ZNF385B: variants seen among roughly 807,000 people sequenced by gnomAD.
ZNF385B encodes the protein zinc finger protein 533.
ZNF385B carries 23 observed loss-of-function variants against 39.2 expected under a neutral mutation model. The observed-to-expected ratio is 0.59, with a 90% CI of 0.42 to 0.83. The LOEUF (loss-of-function observed/expected upper bound fraction) is 0.83, where lower values mean the gene tolerates loss of function less well. Ranked by LOEUF, ZNF385B falls within the 40% of genes least tolerant of loss-of-function variation. The pLI, the probability that ZNF385B is intolerant of heterozygous loss-of-function variation, is 0.00. For missense variants in ZNF385B, 552 were observed against 598.9 expected (o/e 0.92, Z 0.82); for synonymous variants, 205 against 222.6 (o/e 0.92, Z 0.70).
chr2:179,683,125 C>T (rs1241958609), intron 3 of ZNF385B, among the ~76,000 whole-genome samples: 1 of 152,158 alleles, frequency 6.6e-6, no homozygotes, highest in African/African-American at 2.4e-5. Context: ...CGGTGGCTCA[C>T]ACCTGTTATC....
At chr2:179,482,867 C>T (rs1270007273) in intron 6 of ZNF385B, among the ~76,000 whole-genome samples, 1 of 151,920 alleles carries the variant, frequency 6.6e-6, no homozygotes, top group Non-Finnish European at 1.5e-5. Context: ...TATTAGTAAA[C>T]AAGTTTAAGG....
At chr2:179,818,536 C>G (rs1707208265) in intron 1 of ZNF385B, among the ~76,000 whole-genome samples, 1 of 152,112 alleles carries the variant, frequency 6.6e-6, no homozygotes, top group Non-Finnish European at 1.5e-5. Flanking sequence ...AATTTCTGAA[C>G]AATCATGATT....
intron 1 of ZNF385B, among the ~76,000 whole-genome samples, chr2:179,790,819 C>T (rs950371388): frequency 1.2e-4 from 19 of 152,218 alleles, no homozygotes; most frequent in Non-Finnish European, 1.5e-5. Flanking sequence ...AACCAGATGA[C>T]CTCTAAAATT....
At chr2:179,796,652 T>C (rs932827090) in intron 1 of ZNF385B, among the ~76,000 whole-genome samples, 1 of 151,922 alleles carries the variant, frequency 6.6e-6, no homozygotes, top group Admixed American at 6.6e-5. Context: ...AGTTTTGGAG[T>C]CTCTTATTTA....
chr2:179,516,859 T>A (rs2058124897), intron 5 of ZNF385B, among the ~76,000 whole-genome samples: 1 of 149,930 alleles, frequency 6.7e-6, no homozygotes, highest in Admixed American at 6.6e-5. Context: ...CATCTAGAAG[T>A]TTAATAGTTT....
chr2:179,518,736 C>CCAGTTTCACAGTCTTGATTATTGTAGA, intron 4 of ZNF385B, 98 bp from the exon 5 acceptor site: 1 of 636,664 alleles, frequency 1.6e-6, no homozygotes. Flanking sequence ...AAAGTTTAAA[C>CCAGTTTCACAGTCTTGATTATTGTAGA]TTTTAGTTCC....
At chr2:179,789,512 G>T (rs1705200082) in intron 1 of ZNF385B, among the ~76,000 whole-genome samples, 1 of 152,176 alleles carries the variant, frequency 6.6e-6, no homozygotes. Flanking sequence ...CTATAGAGAA[G>T]ATGACAGGCA....
rs188452839 is a variant in ZNF385B, at chr2:179,718,132, T to A, written c.298+51371A>T. ...AGACTTCATTATTCTACCAATATTT[T>A]AAATAGAATATGATATGAAGCATCA... On this transcript the variant is annotated intron_variant, in intron 3 of 9. Transcript: ENST00000410066. Among the ~76,000 whole-genome samples, 1,019 of 152,120 alleles carry A rather than the reference T, an allele frequency of 6.7e-3. 13 individuals carry two copies. The highest frequency in any genetic ancestry group is 0.023 in the African/African-American group (976 of 41,548).
intron 1 of ZNF385B, among the ~76,000 whole-genome samples, chr2:179,787,195 G>A (rs539754987): frequency 5.3e-5 from 8 of 151,650 alleles, no homozygotes; most frequent in South Asian, 2.1e-4. Context: ...AATTTTGTTC[G>A]TAATGATTTT....
chr2:179,677,603 T>C (rs2106318492), intron 3 of ZNF385B, among the ~76,000 whole-genome samples: 1 of 152,344 alleles, frequency 6.6e-6, no homozygotes, highest in Non-Finnish European at 1.5e-5. Flanking sequence ...AATAAACATT[T>C]TTTATTTGAA....
At chr2:179,828,414 T>A (rs1005299498) in intron 1 of ZNF385B, among the ~76,000 whole-genome samples, 6 of 152,172 alleles carry the variant, frequency 3.9e-5, no homozygotes, top group Admixed American at 6.5e-5. Flanking sequence ...ACACACAACA[T>A]TTAGCAATAA....
chr2:179,852,111 G>A (rs887421240), intron 1 of ZNF385B, among the ~76,000 whole-genome samples: 4 of 152,182 alleles, frequency 2.6e-5, no homozygotes, highest in South Asian at 2.1e-4. Flanking sequence ...ACAGCAGTTC[G>A]AATGTGCACC....
chr2:179,854,267 C>T (rs1346932478), intron 1 of ZNF385B, among the ~76,000 whole-genome samples: 3 of 152,148 alleles, frequency 2.0e-5, no homozygotes, highest in Non-Finnish European at 2.9e-5. Flanking sequence ...AAGTTTTCTA[C>T]TCTTACTTGT....
Position 179,769,745 on chromosome 2 carries a change from G to T in ZNF385B, c.56C>A (p.Ala19Glu). The change falls in exon 3 of 10, where the codon GCA becomes GAA. Residue 19 changes from alanine to glutamate, a missense_variant. Transcript: ENST00000410066. ...NHLEDGIMNM[A>E]NFLRGFEEKG... ...TTCTTCAAAGCCCCGTAGAAAATTT[G>T]CCATATTCATGATTCCATCTTCAAG... is the stretch of plus-strand genomic sequence containing the variant. 1 of 1,614,024 alleles carries T rather than the reference G, an allele frequency of 6.2e-7. No individual in the cohort carries two copies. The highest frequency in any genetic ancestry group is 8.5e-7 in the Non-Finnish European group (1 of 1,179,978).
chr2:179,647,335 C>CATATAACAAAATCA, intron 3 of ZNF385B, among the ~76,000 whole-genome samples: 1 of 151,910 alleles, frequency 6.6e-6, no homozygotes, highest in South Asian at 2.1e-4. Context: ...TTGTTACATG[C>CATATAACAAAATCA]ATATAACAAA....
chr2:179,445,826 C>G, intron 7 of ZNF385B, 98 bp from the exon 8 acceptor site: 1 of 1,176,386 alleles, frequency 8.5e-7, no homozygotes, highest in Non-Finnish European at 1.2e-6. Flanking sequence ...GGCTAAAATT[C>G]CCAATGCTTT....
At chr2:179,782,990 T>C (rs1441702940) in intron 1 of ZNF385B, among the ~76,000 whole-genome samples, 1 of 152,084 alleles carries the variant, frequency 6.6e-6, no homozygotes, top group African/African-American at 2.4e-5. Flanking sequence ...TCTTTTAAAA[T>C]TCATATGGAA....
intron 3 of ZNF385B, among the ~76,000 whole-genome samples, chr2:179,670,378 T>G (rs915395844): frequency 6.6e-6 from 1 of 151,770 alleles, no homozygotes; most frequent in Non-Finnish European, 1.5e-5. Context: ...GAGTGTGGAA[T>G]TGGGAGGAGA....
chr2:179,768,245 C>T lies in ZNF385B; in HGVS notation c.298+1258G>A, dbSNP rs187318764. Among the ~76,000 whole-genome samples the T allele has an allele frequency of 2.5e-4, 38 of 151,890 alleles. No individual in the cohort carries two copies. The East Asian group carries it at 6.6e-3, about 26-fold the overall frequency. ...GATTACAGGCGTGAGCCACTGCGCCCGGCCATAACATTAACTATATTTTTA... is the reference window on the plus strand; with the variant it reads ...GATTACAGGCGTGAGCCACTGCGCCTGGCCATAACATTAACTATATTTTTA... On this transcript the variant is annotated intron_variant, in intron 3 of 9. Transcript: ENST00000410066.
Sources: gnomAD v4.1 joint callset for allele counts (sites outside exome capture counted in the v4.1 genomes callset) on GRCh38, gnomAD v4.1.1 for gene constraint, MANE v1.5 for transcripts, NCBI Gene and HGNC (gene_info 2026-07-23, HGNC 2026-07-21) for gene names.